SAMSN1: variants seen among roughly 807,000 people sequenced by gnomAD.
SAMSN1 encodes SAM domain-containing protein SAMSN-1.
In SAMSN1, 31 loss-of-function variants were observed where a neutral mutation model predicts 42.0. That is an observed-to-expected ratio of 0.74 (90% CI 0.55 to 1.00). The LOEUF (loss-of-function observed/expected upper bound fraction) is 1.00, where lower values mean the gene tolerates loss of function less well. Ranked by LOEUF, SAMSN1 falls within the 50% of genes least tolerant of loss-of-function variation. The probability of loss-of-function intolerance (pLI) is 0.00; values close to 1 mark genes in which losing one functional copy is unlikely to be tolerated. For synonymous variants in SAMSN1, 178 were observed against 151.9 expected, an observed-to-expected ratio of 1.17 and a Z score of -1.26; for missense variants, 464 against 439.4, an observed-to-expected ratio of 1.06 and a Z score of -0.50.
At chr21:14,580,748 A>G (rs1306865422) in intron 2 of SAMSN1, among the ~76,000 whole-genome samples, 1 of 152,248 alleles carries the variant, frequency 6.6e-6, no homozygotes, top group African/African-American at 2.4e-5. Context: ...AAGTTCCAAG[A>G]GAAAATATGC....
intron 2 of SAMSN1, among the ~76,000 whole-genome samples, chr21:14,621,526 C>T (rs1015095013): frequency 2.0e-5 from 3 of 152,180 alleles, no homozygotes; most frequent in Non-Finnish European, 4.4e-5. Context: ...GGATCCCATG[C>T]CCATGGAGCC....
At position 14,485,917 on chromosome 21, in the gene SAMSN1, C is replaced by T; in HGVS notation, c.1117G>A (p.Asp373Asn). The T allele has an allele frequency of 6.2e-7, 1 of 1,612,882 alleles. No individual in the cohort carries two copies. Among genetic ancestry groups the T allele is most frequent in the Non-Finnish European group, 8.5e-7 (1 of 1,179,106 alleles). The stretch of plus-strand genomic sequence containing the variant: ...ATATAGTTGGGAATGCGTGTTCAGT[C>T]ACTTGGCTCTGTGATAATAATCTTA... Reference protein sequence around the residue: ...VHKIIITEPSD With the variant: ...VHKIIITEPSN Residue 373 changes from aspartate to asparagine, a missense_variant, in exon 8 of 8, where the codon GAC (aspartate) becomes AAC (asparagine). By Grantham distance (23) the Asp-to-Asn change is conservative. Transcript: ENST00000400566.
chr21:14,605,594 TTAA>T (rs1394244322), intron 5 of SAMSN1, among the ~76,000 whole-genome samples: 1 of 152,170 alleles, frequency 6.6e-6, no homozygotes, highest in Non-Finnish European at 1.5e-5. Context: ...AGAAAAATAA[TTAA>T]TAAGATCTTG....
chr21:14,568,380 G>A (rs1340755945), intron 2 of SAMSN1, among the ~76,000 whole-genome samples: 1 of 152,138 alleles, frequency 6.6e-6, no homozygotes, highest in African/African-American at 2.4e-5. Context: ...AGTGTGGAAA[G>A]GCGACTGGAA....
chr21:14,622,979 GA>G (rs1385013708), intron 2 of SAMSN1, among the ~76,000 whole-genome samples: 1 of 152,164 alleles, frequency 6.6e-6, no homozygotes, highest in African/African-American at 2.4e-5. Flanking sequence ...CATTCTTAAA[GA>G]AAAGAATTTT....
intron 5 of SAMSN1, among the ~76,000 whole-genome samples, chr21:14,608,937 C>T (rs1600961042): frequency 6.6e-6 from 1 of 152,014 alleles, no homozygotes; most frequent in Non-Finnish European, 1.5e-5. Context: ...TTATTACTTG[C>T]CTTCCCAAAG....
chr21:14,652,026 T>C (rs1983845380), intron 1 of SAMSN1, among the ~76,000 whole-genome samples: 1 of 152,020 alleles, frequency 6.6e-6, no homozygotes, highest in Admixed American at 6.6e-5. Context: ...TGAAAATATT[T>C]AATGAAAAAT....
intron 5 of SAMSN1, among the ~76,000 whole-genome samples, chr21:14,502,296 G>T (rs962966530): frequency 6.6e-6 from 1 of 152,128 alleles, no homozygotes; most frequent in Non-Finnish European, 1.5e-5. Context: ...TCATAGGTTG[G>T]ATGGTATCAG....
chr21:14,560,058 A>G (rs141548368), intron 2 of SAMSN1, among the ~76,000 whole-genome samples: 1,746 of 152,308 alleles, frequency 0.011, 16 homozygotes, highest in Non-Finnish European at 0.016. Context: ...GTGGGAAGAC[A>G]GGCAGATCAA....
At chr21:14,497,407 C>T (rs1986954219) in intron 7 of SAMSN1, among the ~76,000 whole-genome samples, 1 of 152,068 alleles carries the variant, frequency 6.6e-6, no homozygotes, top group Non-Finnish European at 1.5e-5. Flanking sequence ...CCAGGCTGGC[C>T]AATATGGTGA....
At chr21:14,526,077 A>G (rs1242847437) in intron 1 of SAMSN1, among the ~76,000 whole-genome samples, 1 of 152,156 alleles carries the variant, frequency 6.6e-6, no homozygotes, top group African/African-American at 2.4e-5. Flanking sequence ...CGTGTTAGCC[A>G]GGCTGATGTT....
rs1195593016 is a variant in SAMSN1 at position 14,577,180 on chromosome 21, C to T, written c.261+4956G>A. 3.9e-5 allele frequency among the ~76,000 whole-genome samples: 5 copies of T among 128,946 alleles called. No homozygotes were observed. The East Asian group carries it at 6.9e-4, about 18-fold the overall frequency. 84.6% of individuals were successfully genotyped at this position (128,946 alleles called of 152,430 possible). A position where few individuals can be genotyped will look rare whatever the true frequency, so the allele number is the denominator to read the frequency against. On this transcript the variant is annotated intron_variant, in intron 2 of 8. Coordinates refer to the SAMSN1 transcript ENST00000285670. ...AAGTGATTCTCCTGCCTCAGCCTCT[C>T]GAGTAGCTGGGATTACAGGTGCATG...
At chr21:14,534,149 T>C (rs1979443678) in intron 1 of SAMSN1, among the ~76,000 whole-genome samples, 2 of 152,262 alleles carry the variant, frequency 1.3e-5, no homozygotes, top group South Asian at 4.1e-4. Context: ...ATTTACAAAC[T>C]ATCTTCTGGA....
intron 2 of SAMSN1, among the ~76,000 whole-genome samples, chr21:14,570,713 C>T (rs981343898): frequency 7.9e-5 from 12 of 152,174 alleles, no homozygotes; most frequent in South Asian, 4.1e-4. Flanking sequence ...CCATAGTTCA[C>T]GCCACCATCA....
intron 1 of SAMSN1, among the ~76,000 whole-genome samples, chr21:14,545,256 T>A (rs1980313848): frequency 6.6e-6 from 1 of 152,158 alleles, no homozygotes; most frequent in Non-Finnish European, 1.5e-5. Flanking sequence ...CAATGTCTCA[T>A]CAATTCAAAA....
At chr21:14,498,344 G>T (rs979228149) in intron 7 of SAMSN1, 98 bp downstream of exon 7, 2 of 1,018,596 alleles carry the variant, frequency 2.0e-6, no homozygotes, top group South Asian at 1.6e-5. Flanking sequence ...GTGCTTTCAT[G>T]ATCTCAGTAA....
At chr21:14,583,590 C>T (rs2822793), upstream of SAMSN1, 59,390 of 689,626 alleles carry the variant, frequency 0.086, 7,661 homozygotes, top group African/African-American at 0.48. Context: ...GCTTCATTAA[C>T]GTATGCTTCC....
intron 2 of SAMSN1, among the ~76,000 whole-genome samples, chr21:14,576,911 C>T (rs1460624177): frequency 6.6e-6 from 1 of 151,848 alleles, no homozygotes; most frequent in African/African-American, 2.4e-5. Context: ...TTGACTTTGC[C>T]TCTTCCTGAA....
At chr21:14,519,138 A>G (rs1266338633) in intron 2 of SAMSN1, among the ~76,000 whole-genome samples, 1 of 152,084 alleles carries the variant, frequency 6.6e-6, no homozygotes, top group African/African-American at 2.4e-5. Context: ...TTGTCTTTTT[A>G]AGATTTGTCT....
Sources: allele counts gnomAD v4.1 joint callset (sites outside exome capture counted in the v4.1 genomes callset), GRCh38; gene constraint gnomAD v4.1.1; transcripts MANE v1.5; gene names NCBI Gene and HGNC (gene_info 2026-07-23, HGNC 2026-07-21).